ITPR2: variants seen among roughly 807,000 people sequenced by gnomAD.
The protein encoded by ITPR2 is inositol 1,4,5-trisphosphate receptor type 2.
A neutral mutation model predicts 317.1 loss-of-function variants in ITPR2; 207 were observed. The observed-to-expected ratio is 0.65, with a 90% CI of 0.58 to 0.73. The LOEUF (loss-of-function observed/expected upper bound fraction) is 0.73. Ranked by LOEUF, ITPR2 falls within the 30% of genes least tolerant of loss-of-function variation. The pLI, the probability that ITPR2 is intolerant of heterozygous loss-of-function variation, is 0.00. For missense variants in ITPR2, 2,613 were observed against 3,284.0 expected (o/e 0.80, Z 4.99); for synonymous variants, 1,156 against 1,149.1 (o/e 1.01, Z -0.12).
Position 26,580,137 on chromosome 12 carries a change from C to A in ITPR2, c.4399G>T (p.Asp1467Tyr). ...AAAAAGATGTCTGCATGTTTCCTGTCTGTAGTTGTGTTGCAAACCTGGAGA... is the reference window on the plus strand; with the variant it reads ...AAAAAGATGTCTGCATGTTTCCTGTATGTAGTTGTGTTGCAAACCTGGAGA... ...DMARVCNTTTDRKHADIFLEK... is the reference protein window; with the variant it reads ...DMARVCNTTTYRKHADIFLEK... Residue 1467 changes from aspartate to tyrosine, a missense_variant, in exon 33 of 57, where the codon GAC becomes TAC. Physicochemically the swap from Asp to Tyr is radical, Grantham distance 160. This residue lies in a region of ITPR2 where 926 missense variants were observed against 1,072.8 expected (regional missense o/e 0.86). Transcript: ENST00000381340. The A allele has an allele frequency of 6.2e-7, 1 of 1,611,850 alleles. No individual in the cohort carries two copies. Among genetic ancestry groups the A allele is most frequent in the South Asian group, 1.1e-5 (1 of 90,708 alleles).
intron 37 of ITPR2, among the ~76,000 whole-genome samples, chr12:26,501,555 T>G (rs1228898773): frequency 6.6e-6 from 1 of 152,214 alleles, no homozygotes; most frequent in Non-Finnish European, 1.5e-5. Context: ...TCAACAGGAC[T>G]AGTTATGTGC....
chr12:26,751,598 A>G (rs1157248232), intron 2 of ITPR2, among the ~76,000 whole-genome samples: 3 of 152,130 alleles, frequency 2.0e-5, no homozygotes, highest in Non-Finnish European at 4.4e-5. Context: ...GGCCAGGTGC[A>G]GTGGCTGATG....
chr12:26,388,908 A>C (rs1318783836), intron 54 of ITPR2, among the ~76,000 whole-genome samples: 1 of 152,078 alleles, frequency 6.6e-6, no homozygotes, highest in Non-Finnish European at 1.5e-5. Flanking sequence ...CTCCCCTTTT[A>C]TTCGATGGCA....
At chr12:26,628,456 T>A (rs1427159647) in intron 22 of ITPR2, among the ~76,000 whole-genome samples, 4 of 152,356 alleles carry the variant, frequency 2.6e-5, no homozygotes, top group Admixed American at 2.0e-4. Context: ...GAAGAGGTAA[T>A]GATGACGTCA....
At chr12:26,697,271 G>A (rs1414938905) in intron 9 of ITPR2, among the ~76,000 whole-genome samples, 2 of 152,154 alleles carry the variant, frequency 1.3e-5, no homozygotes, top group African/African-American at 4.8e-5. Flanking sequence ...CTCTGGTTCT[G>A]CACAGAGCTC....
chr12:26,659,355 A>G (rs1194501669), intron 15 of ITPR2, 70 bp from the exon 16 acceptor site: 1 of 1,291,444 alleles, frequency 7.7e-7, no homozygotes, highest in Admixed American at 2.1e-5. Flanking sequence ...ATTAGGGTCA[A>G]CAACATTGAT....
At chr12:26,366,367 G>T (rs2136589146) in intron 55 of ITPR2, among the ~76,000 whole-genome samples, 1 of 152,262 alleles carries the variant, frequency 6.6e-6, no homozygotes, top group Non-Finnish European at 1.5e-5. Context: ...ATTTTGATGT[G>T]TATAGTTATC....
chr12:26,757,256 C>T (rs1337494947), intron 2 of ITPR2, among the ~76,000 whole-genome samples: 2 of 150,812 alleles, frequency 1.3e-5, no homozygotes, highest in Non-Finnish European at 3.0e-5. Flanking sequence ...CACTCTGTCA[C>T]CTAGGCTAGA....
intron 55 of ITPR2, among the ~76,000 whole-genome samples, chr12:26,377,176 C>A (rs778385779): frequency 6.6e-6 from 1 of 152,146 alleles, no homozygotes; most frequent in Non-Finnish European, 1.5e-5. Context: ...TTCATTTACC[C>A]GATCAGCCTC....
chr12:26,829,280 T>G (rs895765000), intron 1 of ITPR2, among the ~76,000 whole-genome samples: 1 of 152,216 alleles, frequency 6.6e-6, no homozygotes, highest in Non-Finnish European at 1.5e-5. Flanking sequence ...AGAAAACTGC[T>G]ATATTTTTAT....
intron 44 of ITPR2, among the ~76,000 whole-genome samples, chr12:26,476,250 A>G (rs910199776): frequency 1.3e-5 from 2 of 152,230 alleles, no homozygotes; most frequent in African/African-American, 4.8e-5. Flanking sequence ...AGCACCAACA[A>G]TGGCCCTGAT....
intron 52 of ITPR2, among the ~76,000 whole-genome samples, chr12:26,402,479 A>C (rs1047840885): frequency 6.6e-6 from 1 of 152,244 alleles, no homozygotes; most frequent in Admixed American, 6.5e-5. Flanking sequence ...ATTTAGAAAT[A>C]AGATTGTTTG....
At chr12:26,505,842 G>C (rs1042435818) in intron 37 of ITPR2, among the ~76,000 whole-genome samples, 11 of 152,236 alleles carry the variant, frequency 7.2e-5, no homozygotes, top group Non-Finnish European at 1.3e-4. Context: ...TTGATGCTGA[G>C]TGCCAACCTA....
At chr12:26,454,007 G>C (rs1230101439) in intron 45 of ITPR2, among the ~76,000 whole-genome samples, 3 of 152,160 alleles carry the variant, frequency 2.0e-5, no homozygotes, top group Non-Finnish European at 2.9e-5. Context: ...TGGATGGATA[G>C]ATGGATGGGT....
intron 22 of ITPR2, among the ~76,000 whole-genome samples, chr12:26,629,480 T>C (rs1024659316): frequency 2.0e-5 from 3 of 151,478 alleles, no homozygotes; most frequent in African/African-American, 7.3e-5. Context: ...CCAGCTACCA[T>C]GGATGCTGAG....
At chr12:26,723,804 T>C (rs1157299289) in intron 4 of ITPR2, among the ~76,000 whole-genome samples, 4 of 152,182 alleles carry the variant, frequency 2.6e-5, no homozygotes, top group African/African-American at 9.7e-5. Flanking sequence ...GTGTCCTCTT[T>C]ATGAGCACAC....
chr12:26,486,111 T>A lies in ITPR2; in HGVS notation c.5804A>T (p.Glu1935Val). 6.2e-7 allele frequency: 1 copy of A among 1,614,136 alleles called. No homozygotes were observed. The highest frequency in any genetic ancestry group is 8.5e-7 in the Non-Finnish European group (1 of 1,179,978). Reference protein sequence around the residue: ...LQLLCENHNRELQNFLRNQNN... With the variant: ...LQLLCENHNRVLQNFLRNQNN... ...ACAAAACAGAACAAATACCTGCAAT[T>A]CCCGGTTGTGATTCTCACACAGTAA... Residue 1935 changes from glutamate to valine, a missense_variant, in exon 41 of 57, where the codon GAA becomes GTA. Glu to Val is a moderately radical substitution (Grantham distance 121). This residue lies in a region of ITPR2 where 926 missense variants were observed against 1,072.8 expected (regional missense o/e 0.86). Transcript: ENST00000381340.
Position 26,597,117 on chromosome 12 carries a change from T to C in ITPR2, c.4020A>G (p.Glu1340=). The change falls in exon 31 of 57, where the codon GAA becomes GAG. Residue 1340 remains glutamate, a synonymous_variant. Coordinates refer to ENST00000381340, the MANE Select transcript of ITPR2 (RefSeq NM_002223.4). Reference sequence around the variant, plus strand: ...TATCATTGTAAAATATCAGCACGTCTTCACCCCCATTTATCAACTGAAATG... The same window carrying C: ...TATCATTGTAAAATATCAGCACGTCCTCACCCCCATTTATCAACTGAAATG... ...MVMTELINGG[E]DVLIFYNDRA... is the part of the protein sequence containing the mutation. 6.2e-7 allele frequency: 1 copy of C among 1,613,848 alleles called. No individual in the cohort carries two copies. The highest frequency in any genetic ancestry group is 1.1e-5 in the South Asian group (1 of 91,078).
chr12:26,352,067 T>G (rs913296239), intron 55 of ITPR2, among the ~76,000 whole-genome samples: 6 of 152,146 alleles, frequency 3.9e-5, no homozygotes, highest in African/African-American at 1.4e-4. Flanking sequence ...TTCCTGTATC[T>G]GAGGAAATCA....
Sources: gnomAD v4.1 joint callset for allele counts (sites outside exome capture counted in the v4.1 genomes callset) on GRCh38, gnomAD v4.1.1 for gene constraint, gnomAD v4.1.1 regional missense constraint, MANE v1.5 for transcripts, NCBI Gene and HGNC (gene_info 2026-07-23, HGNC 2026-07-21) for gene names.